Variants in MGST1 observed in about 807,000 individuals in gnomAD.
MGST1 encodes the protein microsomal glutathione S-transferase 1.
A neutral mutation model predicts 8.9 loss-of-function variants in MGST1; 5 were observed. The ratio of observed to expected loss-of-function variants is 0.56; its 90% CI spans 0.29 to 1.19. The LOEUF is 1.19. MGST1 is among the 50% of genes most tolerant of loss of function. The probability of loss-of-function intolerance (pLI) is 0.08; values close to 1 mark genes in which losing one functional copy is unlikely to be tolerated. For synonymous variants in MGST1, 54 were observed against 67.8 expected (o/e 0.80, Z 1.00); for missense variants, 182 against 187.4 (o/e 0.97, Z 0.17).
At position 16,582,461 on chromosome 12, in the gene MGST1, T is replaced by C. The variant is rs555481321; in HGVS notation, n.483-7067T>C. 5.3e-5 allele frequency among the ~76,000 whole-genome samples: 8 copies of C among 152,226 alleles called. No homozygotes were observed. The highest frequency in any genetic ancestry group is 1.2e-4 in the African/African-American group (5 of 41,466). On this transcript the variant is annotated intron_variant and non_coding_transcript_variant, in intron 4 of 4. Coordinates refer to the MGST1 transcript ENST00000538857. This position sits in a 1 kb window ranked among gnomAD's most constrained non-coding sequence, Gnocchi z 4.1. ...TTGTCTTTATCAGGTCAAGGTACTG[T>C]ATTAGAGTTATGTTAGTTTTGCATA... is the stretch of plus-strand genomic sequence containing the variant.
chr12:16,415,258 A>G (rs962618701), intron 1 of MGST1, among the ~76,000 whole-genome samples: 2 of 152,238 alleles, frequency 1.3e-5, no homozygotes, highest in Non-Finnish European at 1.5e-5. Context: ...TTAGCAGTTT[A>G]CATTGTTTAT....
At chr12:16,515,467 T>A (rs934486831) in intron 4 of MGST1, among the ~76,000 whole-genome samples, 2 of 151,688 alleles carry the variant, frequency 1.3e-5, no homozygotes, top group African/African-American at 4.8e-5. Context: ...TTAAACCCCG[T>A]CTCTACTAAA....
At chr12:16,419,482 A>G (rs942014368) in intron 1 of MGST1, among the ~76,000 whole-genome samples, 3 of 152,154 alleles carry the variant, frequency 2.0e-5, no homozygotes, top group Admixed American at 1.3e-4. Context: ...TTCAGAAAAA[A>G]GGAAAAAATC....
At chr12:16,505,489 G>A (rs1941532155) in intron 4 of MGST1, among the ~76,000 whole-genome samples, 1 of 151,862 alleles carries the variant, frequency 6.6e-6, no homozygotes, top group Non-Finnish European at 1.5e-5. Flanking sequence ...TCAACTATTG[G>A]CATCACTGTC....
upstream of MGST1, among the ~76,000 whole-genome samples, chr12:16,347,409 A>G (rs1282526297): frequency 2.6e-5 from 4 of 152,194 alleles, no homozygotes; most frequent in Non-Finnish European, 5.9e-5. This position sits in a 1 kb window ranked among gnomAD's most constrained non-coding sequence, Gnocchi z 4.0. Context: ...GACAATGGCT[A>G]CTGTCCCCCT....
chr12:16,419,494 C>T (rs1191825427), intron 1 of MGST1, among the ~76,000 whole-genome samples: 3 of 151,970 alleles, frequency 2.0e-5, no homozygotes, highest in East Asian at 1.9e-4. Flanking sequence ...GAAAAAATCT[C>T]GACAATGAAC....
At chr12:16,554,901 G>A (rs1447984876) in intron 4 of MGST1, among the ~76,000 whole-genome samples, 3 of 151,954 alleles carry the variant, frequency 2.0e-5, no homozygotes, top group South Asian at 2.1e-4. Context: ...CTCGTGATCC[G>A]CCCGCCCGCC....
chr12:16,480,431 G>A (rs779369721), intron 4 of MGST1, among the ~76,000 whole-genome samples: 3 of 152,094 alleles, frequency 2.0e-5, no homozygotes, highest in Admixed American at 6.6e-5. Flanking sequence ...ATAAGCCACC[G>A]TGGTCGGCCA....
rs1404336801 is a variant in MGST1, at chr12:16,582,209, A to C, written n.483-7319A>C. Among the ~76,000 whole-genome samples the C allele has an allele frequency of 1.3e-5, 2 of 152,144 alleles. No homozygotes were observed. Among genetic ancestry groups the C allele is most frequent in the East Asian group, 3.9e-4 (2 of 5,192 alleles). On this transcript the variant is annotated intron_variant and non_coding_transcript_variant, in intron 4 of 4. Coordinates refer to the MGST1 transcript ENST00000538857. The surrounding 1 kb of genome is among the most constrained non-coding windows in gnomAD (Gnocchi z 4.1). The stretch of plus-strand genomic sequence containing the variant: ...GTTTTGAAATGGCTGAATTTTATCA[A>C]TTGCCTTTTTGGTACAGACTGCCAT...
chr12:16,479,152 T>A (rs1347033880), intron 4 of MGST1, among the ~76,000 whole-genome samples: 5 of 152,072 alleles, frequency 3.3e-5, no homozygotes, highest in Admixed American at 1.3e-4. Flanking sequence ...TTAAAGTATG[T>A]TTCTGTGCTT....
At chr12:16,356,919 G>T (rs1340652043) in intron 2 of MGST1, among the ~76,000 whole-genome samples, 1 of 152,144 alleles carries the variant, frequency 6.6e-6, no homozygotes, top group Non-Finnish European at 1.5e-5. Flanking sequence ...TGAGCCAATC[G>T]CTTGGAAATG....
rs1324607928 is a variant in MGST1, at chr12:16,513,842, A to G, written n.483-75686A>G. 9.8e-6 allele frequency: 6 copies of G among 610,948 alleles called. 1 individual carries two copies. The highest frequency in any genetic ancestry group is 1.9e-5 in the Non-Finnish European group (6 of 315,568). 37.8% of individuals were successfully genotyped at this position (610,948 alleles called of 1,614,324 possible). A position where few individuals can be genotyped will look rare whatever the true frequency, so the allele number is the denominator to read the frequency against. On this transcript the variant is annotated intron_variant and non_coding_transcript_variant, in intron 4 of 4. Coordinates refer to the MGST1 transcript ENST00000538857. The surrounding 1 kb of genome is among the most constrained non-coding windows in gnomAD (Gnocchi z 4.2). Reference sequence around the variant, plus strand: ...CAAAGATTTCTTAAGTTCAGCCAAGATGTCTTTCTGCCCAAACCAACCTGG... The same window carrying G: ...CAAAGATTTCTTAAGTTCAGCCAAGGTGTCTTTCTGCCCAAACCAACCTGG...
At chr12:16,534,814 T>C (rs558127397) in intron 4 of MGST1, among the ~76,000 whole-genome samples, 2 of 152,168 alleles carry the variant, frequency 1.3e-5, no homozygotes, top group Non-Finnish European at 2.9e-5. Flanking sequence ...AGGCAATCAA[T>C]TGGGAAATGC....
downstream of MGST1, among the ~76,000 whole-genome samples, chr12:16,378,088 C>T (rs1013104918): frequency 7.9e-5 from 12 of 152,000 alleles, no homozygotes; most frequent in Non-Finnish European, 4.4e-5. Context: ...TTCTGCCATT[C>T]TGTAGGTTGC....
intron 4 of MGST1, among the ~76,000 whole-genome samples, chr12:16,572,339 C>CTTTTTT (rs59773866): frequency 1.0e-3 from 92 of 89,524 alleles, no homozygotes; most frequent in East Asian, 1.4e-3. Context: ...GGTCCAAACT[C>CTTTTTT]TTTTTTTTTT....
chr12:16,400,623 G>C (rs1200862242), intron 1 of MGST1: 4 of 1,326,192 alleles, frequency 3.0e-6, no homozygotes, highest in African/African-American at 2.9e-5. Flanking sequence ...TATGACGCTT[G>C]GTATGTAATT....
chr12:16,533,004 G>A (rs1941731497), intron 4 of MGST1, among the ~76,000 whole-genome samples: 1 of 152,124 alleles, frequency 6.6e-6, no homozygotes, highest in Admixed American at 6.6e-5. Context: ...AGGAAAACAT[G>A]TGAGCATAGC....
At chr12:16,457,052 G>T (rs1029360742) in intron 4 of MGST1, among the ~76,000 whole-genome samples, 4 of 151,876 alleles carry the variant, frequency 2.6e-5, no homozygotes, top group African/African-American at 7.2e-5. Context: ...TTCCTCTACT[G>T]TTCAAAGAAT....
intron 4 of MGST1, among the ~76,000 whole-genome samples, chr12:16,523,944 G>A (rs551151955): frequency 3.3e-5 from 5 of 151,956 alleles, no homozygotes; most frequent in African/African-American, 9.7e-5. Context: ...TTTATTTATC[G>A]GTTTCATGCC....
Sources: allele counts gnomAD v4.1 joint callset (sites outside exome capture counted in the v4.1 genomes callset), GRCh38; gene constraint gnomAD v4.1.1; non-coding constraint Gnocchi (gnomAD v3.1); transcripts MANE v1.5; gene names NCBI Gene and HGNC (gene_info 2026-07-23, HGNC 2026-07-21).